MRC2: variants seen among roughly 807,000 people sequenced by gnomAD.
MRC2 encodes the protein C-type mannose receptor 2.
MRC2 carries 84 observed loss-of-function variants against 206.2 expected under a neutral mutation model. The observed-to-expected ratio is 0.41, with a 90% CI of 0.34 to 0.49. The LOEUF (loss-of-function observed/expected upper bound fraction) is 0.49, where lower values mean the gene tolerates loss of function less well. MRC2 is among the 20% of genes least tolerant of loss of function. MRC2 has a pLI of 0.31. For missense variants in MRC2, 1,676 were observed against 2,001.5 expected, an observed-to-expected ratio of 0.84 and a Z score of 3.10; for synonymous variants, 798 against 800.0, an observed-to-expected ratio of 1.00 and a Z score of 0.04.
intron 20 of MRC2, among the ~76,000 whole-genome samples, chr17:62,684,512 C>T (rs955520809): frequency 6.6e-6 from 1 of 152,134 alleles, no homozygotes; most frequent in Admixed American, 6.5e-5. Flanking sequence ...TACAACACCC[C>T]CTCCATAGTG....
chr17:62,630,039 G>C (rs560774864), intron 1 of MRC2, among the ~76,000 whole-genome samples: 26 of 152,336 alleles, frequency 1.7e-4, no homozygotes, highest in African/African-American at 6.3e-4. Flanking sequence ...TCACTGGAAG[G>C]AGTCCTCTTT....
chr17:62,677,311 C>G lies in MRC2; in HGVS notation c.1877C>G (p.Ala626Gly). 1 of 1,606,712 alleles carries G rather than the reference C, an allele frequency of 6.2e-7. No individual in the cohort carries two copies. Among genetic ancestry groups the G allele is most frequent in the Non-Finnish European group, 8.5e-7 (1 of 1,177,368 alleles). The change falls in exon 12 of 30, where the codon GCC (alanine) becomes GGC (glycine). Residue 626 changes from alanine (A) to glycine (G), a missense_variant. Ala to Gly is a moderately conservative substitution (Grantham distance 60, BLOSUM62 0). Coordinates refer to ENST00000303375, the MANE Select transcript of MRC2 (RefSeq NM_006039.5). ...TGCGTGGCGCTGGCCACTGGCAGCG[C>G]CATGGGGCTGTGGGAGGTGAAGAAC... ...GGCVALATGS[A>G]MGLWEVKNCT...
At chr17:62,683,287 G>A (rs2088992370) in intron 20 of MRC2, among the ~76,000 whole-genome samples, 1 of 151,674 alleles carries the variant, frequency 6.6e-6, no homozygotes, top group Admixed American at 6.6e-5. Context: ...TGACCAACAT[G>A]GAGAAACCCC....
At chr17:62,681,181 C>T (rs966222021) in intron 18 of MRC2, 52 bp downstream of exon 18, 44 of 1,587,750 alleles carry the variant, frequency 2.8e-5, no homozygotes, top group Non-Finnish European at 3.5e-5. Context: ...TGTCCACACA[C>T]GGAGCACAGA....
intron 1 of MRC2, among the ~76,000 whole-genome samples, chr17:62,662,207 G>A (rs1042156626): frequency 6.6e-5 from 10 of 151,306 alleles, no homozygotes; most frequent in South Asian, 4.2e-4. Flanking sequence ...CCAAGATTGC[G>A]CCACTGCACT....
At chr17:62,690,394 C>A in intron 26 of MRC2, 89 bp downstream of exon 26, 1 of 1,480,222 alleles carries the variant, frequency 6.8e-7, no homozygotes, top group Non-Finnish European at 9.1e-7. Context: ...CCCCACACTG[C>A]TCTCTACCCA....
chr17:62,633,417 T>G (rs752804672), intron 1 of MRC2, among the ~76,000 whole-genome samples: 1 of 150,278 alleles, frequency 6.7e-6, no homozygotes, highest in Admixed American at 6.7e-5. Context: ...GCAGGGGAAT[T>G]GCTTGAACCC....
At chr17:62,649,038 G>A (rs1009173023) in intron 1 of MRC2, among the ~76,000 whole-genome samples, 4 of 152,140 alleles carry the variant, frequency 2.6e-5, no homozygotes, top group East Asian at 1.9e-4. Context: ...GGTCTTATTC[G>A]TGTCCTTCCC....
chr17:62,673,461 T>TG (rs2088851583), intron 8 of MRC2, among the ~76,000 whole-genome samples: 1 of 152,168 alleles, frequency 6.6e-6, no homozygotes, highest in African/African-American at 2.4e-5. Context: ...AGTTTGTTTT[T>TG]GATATTTATA....
chr17:62,639,404 T>A (rs1370448728), intron 1 of MRC2, among the ~76,000 whole-genome samples: 1 of 152,204 alleles, frequency 6.6e-6, no homozygotes. Flanking sequence ...ATTAGCTTTC[T>A]TTAACTACTT....
At chr17:62,676,038 G>A in intron 10 of MRC2, 133 bp downstream of exon 10, 4 of 720,810 alleles carry the variant, frequency 5.5e-6, no homozygotes, top group Middle Eastern at 3.8e-4. Flanking sequence ...GTGGGCTCCA[G>A]GGCATTTTAA....
At chr17:62,634,968 C>T (rs1316475762) in intron 1 of MRC2, among the ~76,000 whole-genome samples, 3 of 151,506 alleles carry the variant, frequency 2.0e-5, no homozygotes, top group Admixed American at 1.3e-4. Flanking sequence ...GTAGCTGGGA[C>T]TACAGGCACG....
At position 62,667,756 on chromosome 17, in the gene MRC2, C is replaced by A. The variant is rs2088776120; in HGVS notation, c.1117+223C>A. ...TGCTGAGATCTGTGTTAAATGCTGGCAATACCCACTGTTACCTCGTAGAGA... is the reference window on the plus strand; with the variant it reads ...TGCTGAGATCTGTGTTAAATGCTGGAAATACCCACTGTTACCTCGTAGAGA... On this transcript the variant is annotated intron_variant, in intron 6 of 29. Coordinates refer to ENST00000303375, the MANE Select transcript of MRC2 (RefSeq NM_006039.5). The surrounding 1 kb of genome is among the most constrained non-coding windows in gnomAD (Gnocchi z 4.1). Among the ~76,000 whole-genome samples, 1 of 152,226 alleles carries A rather than the reference C, an allele frequency of 6.6e-6. No individual in the cohort carries two copies. Among genetic ancestry groups the A allele is most frequent in the South Asian group, 2.1e-4 (1 of 4,830 alleles).
intron 1 of MRC2, among the ~76,000 whole-genome samples, chr17:62,658,300 G>A (rs1049104395): frequency 2.0e-5 from 3 of 152,134 alleles, no homozygotes; most frequent in East Asian, 1.9e-4. Context: ...ACGGTGCTGC[G>A]AGTTTCCTTG....
At position 62,671,855 on chromosome 17, in the gene MRC2, C is replaced by A. The variant is rs770133394; in HGVS notation, c.1306+18C>A. 1.6e-5 allele frequency: 25 copies of A among 1,587,020 alleles called. No homozygotes were observed. In the South Asian group the frequency reaches 2.2e-4, roughly 14 times the overall value. ...CAAGCAAGGTGAGGAGCTGCCCGCC[C>A]ACGTGTCTGGGTGGAGGGCAGGGCC... On this transcript the variant is annotated intron_variant, in intron 7 of 29. Transcript: ENST00000303375. The surrounding 1 kb of genome is among the most constrained non-coding windows in gnomAD (Gnocchi z 4.5).
Position 62,674,160 on chromosome 17 carries a change from G to T in MRC2, c.1559G>T (p.Gly520Val). The T allele has an allele frequency of 6.5e-7, 1 of 1,549,022 alleles. No individual in the cohort carries two copies. The highest frequency in any genetic ancestry group is 2.5e-5 in the East Asian group (1 of 40,682). Residue 520 changes from glycine to valine, a missense_variant, in exon 9 of 30, where the codon GGC becomes GTC. Physicochemically the swap from Gly to Val is moderately radical, Grantham distance 109. Coordinates refer to ENST00000303375, the MANE Select transcript of MRC2 (RefSeq NM_006039.5). Reference sequence around the variant, plus strand: ...CAGGGGGCCGCCGAGGAGGACCATGGCTGCCGGAAGGTGAGGGTGTTTCTG... The same window carrying T: ...CAGGGGGCCGCCGAGGAGGACCATGTCTGCCGGAAGGTGAGGGTGTTTCTG... ...LSQGAAEEDH[G>V]CRKGWTWHSP...
chr17:62,641,045 A>G (rs1351678154), intron 1 of MRC2, among the ~76,000 whole-genome samples: 3 of 150,792 alleles, frequency 2.0e-5, no homozygotes, highest in African/African-American at 4.9e-5. Flanking sequence ...AGGTCTTGCT[A>G]TGTTGCCCAG....
rs772532901 is a variant in MRC2 at position 62,680,840 on chromosome 17, G to A, written c.2514G>A (p.Lys838=). 1 of 1,612,928 alleles carries A rather than the reference G, an allele frequency of 6.2e-7. No individual in the cohort carries two copies. Among genetic ancestry groups the A allele is most frequent in the South Asian group, 1.1e-5 (1 of 91,066 alleles). The change falls in exon 17 of 30, where the codon AAG becomes AAA. Residue 838 remains lysine (K), a synonymous_variant. Coordinates refer to ENST00000303375, the MANE Select transcript of MRC2 (RefSeq NM_006039.5). This position sits in a 1 kb window ranked among gnomAD's most constrained non-coding sequence, Gnocchi z 4.8. ...TGCGCTTCCAGGAGGCCGAGTACAA[G>A]TTCTTTGAGCACCACTCCACGTGGG... ...EWLRFQEAEY[K]FFEHHSTWAQ...
rs2089060055 is a variant in MRC2, at chr17:62,688,506, A to G, written c.3067A>G (p.Ile1023Val). 4 of 1,614,226 alleles carry G rather than the reference A, an allele frequency of 2.5e-6. No individual in the cohort carries two copies. The highest frequency in any genetic ancestry group is 3.4e-6 in the Non-Finnish European group (4 of 1,180,028). ...TITNPLEQAFITASLPNVTFD... is the reference protein window; with the variant it reads ...TITNPLEQAFVTASLPNVTFD... ...CTGTCTTCTGGGGACCATAGCATTC[A>G]TCACAGCCAGCCTGCCCAATGTGAC... Residue 1023 changes from isoleucine to valine, a missense_variant, in exon 22 of 30, where the codon ATC (isoleucine) becomes GTC (valine). This residue lies in a region of MRC2 where 1,354 missense variants were observed against 1,636.6 expected (regional missense o/e 0.83). Transcript: ENST00000303375.
Sources: allele counts gnomAD v4.1 joint callset (sites outside exome capture counted in the v4.1 genomes callset), GRCh38; gene constraint gnomAD v4.1.1; regional missense constraint gnomAD v4.1.1; non-coding constraint Gnocchi (gnomAD v3.1); transcripts MANE v1.5; gene names NCBI Gene and HGNC (gene_info 2026-07-23, HGNC 2026-07-21).